Variants in JAK2 observed in about 807,000 individuals in gnomAD.
JAK2 encodes the protein tyrosine-protein kinase JAK2.
A neutral mutation model predicts 139.3 loss-of-function variants in JAK2; 86 were observed. That is an observed-to-expected ratio of 0.62 (90% confidence interval 0.52 to 0.74). JAK2 has a LOEUF of 0.74. Among genes scored for constraint, JAK2 ranks in the 30% least tolerant of loss-of-function variants. JAK2 has a pLI of 0.00. For missense variants in JAK2, 1,421 were observed against 1,360.3 expected (o/e 1.04, Z -0.70); for synonymous variants, 490 against 437.7 (o/e 1.12, Z -1.49).
At chr9:5,006,485 C>G (rs1225102534) in intron 2 of JAK2, among the ~76,000 whole-genome samples, 3 of 152,110 alleles carry the variant, frequency 2.0e-5, no homozygotes, top group Non-Finnish European at 2.9e-5. Context: ...AAAGAGCTAT[C>G]TGAGACTGGG....
intron 8 of JAK2, among the ~76,000 whole-genome samples, chr9:5,057,393 A>G (rs561789997): frequency 8.2e-4 from 125 of 151,944 alleles, no homozygotes; most frequent in Non-Finnish European, 1.8e-4. Context: ...ATTTTGGTAA[A>G]ATATATATAA....
intron 4 of JAK2, among the ~76,000 whole-genome samples, chr9:5,032,040 A>T (rs1587849899): frequency 2.0e-5 from 3 of 152,190 alleles, no homozygotes; most frequent in African/African-American, 7.2e-5. Flanking sequence ...CGGCACCTGG[A>T]AAATCGGGTC....
chr9:5,129,653 A>G lies in JAK2; in HGVS notation c.*2862A>G, dbSNP rs1018940125. ...TAAGAAAAAAACAATTAAAGTATGA[A>G]TATCAGAAATACTGTGTGTTTACTC... is the stretch of plus-strand genomic sequence containing the variant. On this transcript the variant is annotated 3_prime_UTR_variant, in exon 25 of 25. Coordinates refer to ENST00000381652, the MANE Select transcript of JAK2 (RefSeq NM_004972.4). 2.6e-5 allele frequency among the ~76,000 whole-genome samples: 4 copies of G among 152,116 alleles called. No homozygotes were observed. The highest frequency in any genetic ancestry group is 9.7e-5 in the African/African-American group (4 of 41,434).
intron 12 of JAK2, among the ~76,000 whole-genome samples, chr9:5,071,449 C>G (rs1037623120): frequency 6.6e-6 from 1 of 151,796 alleles, no homozygotes; most frequent in Non-Finnish European, 1.5e-5. Context: ...GGAGAAATAA[C>G]AAGACATTGT....
At chr9:5,079,007 G>T (rs1235011227) in intron 16 of JAK2, among the ~76,000 whole-genome samples, 2 of 152,124 alleles carry the variant, frequency 1.3e-5, no homozygotes, top group African/African-American at 4.8e-5. Flanking sequence ...TGTTATCTTA[G>T]ATAATTTCTC....
At chr9:5,063,470 C>T (rs772496750) in intron 8 of JAK2, among the ~76,000 whole-genome samples, 12 of 152,126 alleles carry the variant, frequency 7.9e-5, no homozygotes, top group Non-Finnish European at 1.3e-4. Context: ...TCATTCCTTT[C>T]TTATCCTGGT....
At chr9:5,020,647 A>T (rs1822357458) in intron 2 of JAK2, among the ~76,000 whole-genome samples, 1 of 152,080 alleles carries the variant, frequency 6.6e-6, no homozygotes, top group Admixed American at 6.5e-5. Context: ...TTGCATTTTG[A>T]CACCTAGCGG....
chr9:5,105,901 G>C (rs200295113), intron 22 of JAK2, among the ~76,000 whole-genome samples: 2 of 152,102 alleles, frequency 1.3e-5, no homozygotes, highest in Non-Finnish European at 2.9e-5. Flanking sequence ...ACACCTTATA[G>C]AAAAATTAAT....
At chr9:5,014,116 G>A (rs1284015270) in intron 2 of JAK2, among the ~76,000 whole-genome samples, 2 of 148,156 alleles carry the variant, frequency 1.3e-5, no homozygotes, top group Non-Finnish European at 3.0e-5. Flanking sequence ...GTTTTTGAGT[G>A]TATGTGTACA....
chr9:5,085,924 A>G, intron 19 of JAK2: 1 of 1,069,376 alleles, frequency 9.4e-7, no homozygotes, highest in Non-Finnish European at 1.5e-6. Flanking sequence ...AGACCTTTCA[A>G]GTCTCTCCAA....
At chr9:5,017,103 A>C (rs1049372514) in intron 2 of JAK2, among the ~76,000 whole-genome samples, 1 of 152,238 alleles carries the variant, frequency 6.6e-6, no homozygotes, top group African/African-American at 2.4e-5. Flanking sequence ...GAGTGATAGC[A>C]GACTTCATAT....
In JAK2 at chr9:5,080,210, T is replaced by C; in HGVS notation, c.2132-19T>C. ...ACTTGTGAATTATTTAACCCTACTC[T>C]GTTCGTATCATTTAAAAGTTCTTCA... On this transcript the variant is annotated intron_variant, in intron 16 of 24. Transcript: ENST00000381652. The C allele has an allele frequency of 6.3e-7, 1 of 1,587,834 alleles. No homozygotes were observed. The highest frequency in any genetic ancestry group is 8.6e-7 in the Non-Finnish European group (1 of 1,160,824).
intron 6 of JAK2, among the ~76,000 whole-genome samples, chr9:5,053,400 A>G (rs1817556565): frequency 1.3e-5 from 2 of 151,930 alleles, no homozygotes; most frequent in South Asian, 2.1e-4. Flanking sequence ...CATATTTATG[A>G]TTTGCCATTA....
intron 22 of JAK2, chr9:5,100,888 T>C (rs1821427165): frequency 6.6e-6 from 1 of 152,256 alleles, no homozygotes; most frequent in Non-Finnish European, 1.5e-5. Context: ...CACTATCTGC[T>C]TCCTCCGCCA....
chr9:5,112,633 C>T (rs1822709717), intron 22 of JAK2: 2 of 990,136 alleles, frequency 2.0e-6, no homozygotes, highest in Admixed American at 2.6e-5. Flanking sequence ...ACCTCAACAG[C>T]GAGAAGCCCC....
intron 22 of JAK2, among the ~76,000 whole-genome samples, chr9:5,104,037 A>G (rs930231184): frequency 2.0e-5 from 3 of 152,238 alleles, no homozygotes; most frequent in African/African-American, 4.8e-5. Flanking sequence ...CAAATTCAAA[A>G]GCTAGCAGAA....
At chr9:4,987,713 GCAA>G (rs1474803937) in intron 2 of JAK2, among the ~76,000 whole-genome samples, 8 of 141,072 alleles carry the variant, frequency 5.7e-5, no homozygotes, top group Non-Finnish European at 1.1e-4. Flanking sequence ...TCCAGGCTGG[GCAA>G]CACAGCAAGA....
intron 22 of JAK2, chr9:5,110,216 T>C (rs1462099909): frequency 3.3e-5 from 5 of 152,218 alleles, no homozygotes; most frequent in Admixed American, 3.3e-4. Flanking sequence ...ACTCCAGCAC[T>C]ATAGTTGTAG....
chr9:5,061,545 C>T (rs987457708), intron 8 of JAK2, among the ~76,000 whole-genome samples: 3 of 152,234 alleles, frequency 2.0e-5, no homozygotes, highest in Admixed American at 2.0e-4. Flanking sequence ...TCTGCAGCTT[C>T]CTCACCTCTC....
Sources: gnomAD v4.1 joint callset for allele counts (sites outside exome capture counted in the v4.1 genomes callset) on GRCh38, gnomAD v4.1.1 for gene constraint, MANE v1.5 for transcripts, NCBI Gene and HGNC (gene_info 2026-07-23, HGNC 2026-07-21) for gene names.